CSMD1: variants seen among roughly 807,000 people sequenced by gnomAD.
CSMD1 encodes CUB and sushi domain-containing protein 1.
In CSMD1, 213 loss-of-function variants were observed where a neutral mutation model predicts 417.5. That is an observed-to-expected ratio of 0.51 (90% CI 0.46 to 0.57). The LOEUF (loss-of-function observed/expected upper bound fraction) is 0.57, where lower values mean the gene tolerates loss of function less well. Among genes scored for constraint, CSMD1 ranks in the 20% least tolerant of loss-of-function variants. The pLI is 0.00. For missense variants in CSMD1, 6,923 were observed against 4,529.7 expected, an observed-to-expected ratio of 1.53 and a Z score of -15.17; for synonymous variants, 2,862 against 1,736.8, an observed-to-expected ratio of 1.65 and a Z score of -16.11.
chr8:3,772,159 A>G (rs1798606625), intron 5 of CSMD1, among the ~76,000 whole-genome samples: 1 of 119,544 alleles, frequency 8.4e-6, no homozygotes, highest in Non-Finnish European at 1.7e-5. Flanking sequence ...AATTCTCAGA[A>G]AGGGCAACAT....
Position 4,202,736 on chromosome 8 carries a change from A to G in CSMD1, c.416-170637T>C, listed in dbSNP as rs1033970242. 3.3e-5 allele frequency among the ~76,000 whole-genome samples: 5 copies of G among 152,248 alleles called. No individual in the cohort carries two copies. In the South Asian group the frequency reaches 8.3e-4, roughly 25 times the overall value. ...CAAGTACTCAAATATTTACTTAATA[A>G]CTAAGTGTTACAAAGGGAGAAAATG... On this transcript the variant is annotated intron_variant, in intron 3 of 69. Coordinates refer to ENST00000635120, the MANE Select transcript of CSMD1 (RefSeq NM_033225.6).
intron 2 of CSMD1, among the ~76,000 whole-genome samples, chr8:4,562,729 T>A (rs976017691): frequency 2.5e-4 from 38 of 152,094 alleles, no homozygotes; most frequent in African/African-American, 8.9e-4. Flanking sequence ...TACACTGACC[T>A]TCAGACAGAT....
chr8:4,307,648 C>A (rs939880463), intron 3 of CSMD1, among the ~76,000 whole-genome samples: 2 of 152,054 alleles, frequency 1.3e-5, no homozygotes, highest in South Asian at 4.1e-4. Flanking sequence ...ATCTCAAGGA[C>A]GATGGGAAAT....
At chr8:3,867,783 A>G (rs1182759099) in intron 5 of CSMD1, among the ~76,000 whole-genome samples, 2 of 152,156 alleles carry the variant, frequency 1.3e-5, no homozygotes, top group Non-Finnish European at 2.9e-5. Context: ...AGCTTCCTGT[A>G]TATGTGGAGT....
intron 37 of CSMD1, among the ~76,000 whole-genome samples, chr8:3,167,906 G>A (rs967849878): frequency 6.6e-6 from 1 of 152,122 alleles, no homozygotes; most frequent in African/African-American, 2.4e-5. Flanking sequence ...AATGATTTTA[G>A]AACACATGAT....
intron 10 of CSMD1, among the ~76,000 whole-genome samples, chr8:3,566,153 A>G (rs1242512059): frequency 6.6e-6 from 1 of 152,036 alleles, no homozygotes; most frequent in Non-Finnish European, 1.5e-5. Flanking sequence ...AGAGGAGAGG[A>G]GGCAAACAAC....
chr8:4,019,629 T>A (rs182074149), intron 4 of CSMD1, among the ~76,000 whole-genome samples: 110 of 152,296 alleles, frequency 7.2e-4, no homozygotes, highest in African/African-American at 2.6e-3. Context: ...TTCCTTGAAA[T>A]GCATGAGGTT....
intron 26 of CSMD1, among the ~76,000 whole-genome samples, chr8:3,250,180 GTA>G (rs1800160483): frequency 6.6e-6 from 1 of 152,286 alleles, no homozygotes; most frequent in African/African-American, 2.4e-5. Flanking sequence ...TTAACATTAG[GTA>G]TGTCTCCAAA....
intron 1 of CSMD1, among the ~76,000 whole-genome samples, chr8:4,722,503 G>A (rs1366360391): frequency 1.3e-5 from 2 of 152,054 alleles, no homozygotes; most frequent in Non-Finnish European, 2.9e-5. Flanking sequence ...TAGGACTTGG[G>A]AGGATTGCTG....
chr8:4,022,964 G>C (rs547156083), intron 4 of CSMD1, among the ~76,000 whole-genome samples: 10 of 152,150 alleles, frequency 6.6e-5, no homozygotes, highest in Non-Finnish European at 1.2e-4. Context: ...AAATTTGAGG[G>C]CAAATAAATA....
At chr8:3,654,381 T>C (rs981428680) in intron 7 of CSMD1, among the ~76,000 whole-genome samples, 1 of 152,176 alleles carries the variant, frequency 6.6e-6, no homozygotes, top group African/African-American at 2.4e-5. Flanking sequence ...TTAGACTGCG[T>C]ATAAATAGCA....
chr8:4,685,061 A>G (rs1374000662), intron 1 of CSMD1, among the ~76,000 whole-genome samples: 1 of 152,210 alleles, frequency 6.6e-6, no homozygotes, highest in Non-Finnish European at 1.5e-5. Flanking sequence ...TCTGACCCTT[A>G]CCCAGTTATC....
chr8:3,275,269 T>C lies in CSMD1; in HGVS notation c.4153+8875A>G, dbSNP rs1356311213. 3.3e-5 allele frequency among the ~76,000 whole-genome samples: 5 copies of C among 152,210 alleles called. No individual in the cohort carries two copies. In the East Asian group the frequency reaches 9.6e-4, roughly 29 times the overall value. On this transcript the variant is annotated intron_variant, in intron 26 of 69. Coordinates refer to ENST00000635120, the MANE Select transcript of CSMD1 (RefSeq NM_033225.6). Reference sequence around the variant, plus strand: ...TTGAATATTGGCCACCGCTCTCTTCTGGCTTGTAGAGTTTCTGTCAAGAGA... The same window carrying C: ...TTGAATATTGGCCACCGCTCTCTTCCGGCTTGTAGAGTTTCTGTCAAGAGA...
At chr8:4,399,361 G>A (rs188271656) in intron 3 of CSMD1, among the ~76,000 whole-genome samples, 3 of 152,266 alleles carry the variant, frequency 2.0e-5, no homozygotes, top group African/African-American at 4.8e-5. Flanking sequence ...CTAAATTACA[G>A]AATAAAATAA....
chr8:3,890,395 G>A (rs911179282), intron 5 of CSMD1, among the ~76,000 whole-genome samples: 1 of 151,998 alleles, frequency 6.6e-6, no homozygotes, highest in African/African-American at 2.4e-5. Context: ...GGAAAACAAA[G>A]ACAAAGGGGA....
chr8:3,870,095 C>G (rs1012465570), intron 5 of CSMD1, among the ~76,000 whole-genome samples: 2 of 152,078 alleles, frequency 1.3e-5, no homozygotes, highest in Non-Finnish European at 2.9e-5. Context: ...AAGTTATCTA[C>G]TAATAACATG....
chr8:4,483,073 T>A (rs1018334761), intron 2 of CSMD1, among the ~76,000 whole-genome samples: 6 of 152,200 alleles, frequency 3.9e-5, no homozygotes, highest in African/African-American at 1.4e-4. Context: ...TTCCCATGTG[T>A]TGTGGGAGAT....
chr8:4,134,269 A>T (rs913256915), intron 3 of CSMD1, among the ~76,000 whole-genome samples: 1 of 152,178 alleles, frequency 6.6e-6, no homozygotes, highest in Admixed American at 6.5e-5. Flanking sequence ...CATTGCCACA[A>T]AATGTGACTG....
At chr8:4,797,862 T>C (rs536066325) in intron 1 of CSMD1, among the ~76,000 whole-genome samples, 3 of 152,316 alleles carry the variant, frequency 2.0e-5, no homozygotes, top group Admixed American at 6.5e-5. Context: ...AGACATTTCC[T>C]CATGGATTTT....
Sources: gnomAD v4.1 joint callset for allele counts (sites outside exome capture counted in the v4.1 genomes callset) on GRCh38, gnomAD v4.1.1 for gene constraint, MANE v1.5 for transcripts, NCBI Gene and HGNC (gene_info 2026-07-23, HGNC 2026-07-21) for gene names.